Variants in DMD observed in about 807,000 individuals in gnomAD.
The protein encoded by DMD is mutant dystrophin.
Under a neutral mutation model 330.1 loss-of-function variants are expected in DMD, and 63 were observed. That is an observed-to-expected ratio of 0.19 (90% CI 0.16 to 0.24). The LOEUF (loss-of-function observed/expected upper bound fraction) is 0.24. Ranked by LOEUF, DMD falls within the 10% of genes least tolerant of loss-of-function variation. The pLI is 1.00. For synonymous variants in DMD, 1,223 were observed against 959.8 expected, an observed-to-expected ratio of 1.27 and a Z score of -5.07; for missense variants, 3,344 against 2,684.1, an observed-to-expected ratio of 1.25 and a Z score of -5.43.
intron 44 of DMD, among the ~76,000 whole-genome samples, chrX:32,121,050 G>C (rs763700118): frequency 1.8e-5 from 2 of 112,087 alleles, no homozygotes; most frequent in Admixed American, 9.5e-5. Context: ...AAGCCCGGAA[G>C]TGCAAACGTT....
chrX:31,178,093 C>G (rs1363157633), intron 70 of DMD, 123 bp from the exon 71 acceptor site: 5 of 1,093,892 alleles, frequency 4.6e-6, no homozygotes, highest in Non-Finnish European at 6.2e-6. Flanking sequence ...AAGCAATAGC[C>G]AAACCAAGGT....
chrX:32,024,486 C>CAAAA (rs71872956), intron 44 of DMD, among the ~76,000 whole-genome samples: 17 of 61,587 alleles, frequency 2.8e-4, no homozygotes, highest in African/African-American at 8.4e-4. Flanking sequence ...AACTCCCTCT[C>CAAAA]AAAAAAAAAA....
intron 44 of DMD, among the ~76,000 whole-genome samples, chrX:32,096,396 T>C (rs2096506334): frequency 9.0e-6 from 1 of 111,425 alleles, no homozygotes; most frequent in Non-Finnish European, 1.9e-5. Context: ...GATTTCCTAA[T>C]AGTTTCCAGA....
chrX:32,167,124 C>T (rs1375396398), intron 44 of DMD, among the ~76,000 whole-genome samples: 2 of 111,583 alleles, frequency 1.8e-5, no homozygotes, highest in Admixed American at 9.6e-5. Flanking sequence ...TACTCTATTC[C>T]CTGGAATCAC....
rs1407734936 is a variant in DMD, at chrX:32,518,236, T to TC, written c.2169-106dup. On this transcript the variant is annotated intron_variant, in intron 17 of 78. Coordinates refer to ENST00000357033, the MANE Select transcript of DMD (RefSeq NM_004006.3). ...TATCATTCTTTTCTCAATCTGAGAC[T>TC]CCTGCCTGACACCTCTATTAGTATT... 6 of 829,316 alleles carry TC rather than the reference T, an allele frequency of 7.2e-6. No homozygotes were observed. In the East Asian group the frequency reaches 2.1e-4, roughly 28 times the overall value. The allele number at this position is 829,316 out of a possible 1,213,427, so 68.3% of individuals were successfully genotyped here.
intron 23 of DMD, among the ~76,000 whole-genome samples, chrX:32,466,078 A>G (rs969043286): frequency 9.0e-6 from 1 of 111,280 alleles, no homozygotes; most frequent in Non-Finnish European, 1.9e-5. Flanking sequence ...GTTTTTTCTT[A>G]TTAAGTTTTT....
At chrX:31,725,286 CA>C (rs1371113207) in intron 52 of DMD, among the ~76,000 whole-genome samples, 3 of 111,409 alleles carry the variant, frequency 2.7e-5, no homozygotes, top group African/African-American at 9.8e-5. Context: ...GTATTTCCCA[CA>C]AAAGGCTTTC....
intron 7 of DMD, among the ~76,000 whole-genome samples, chrX:32,777,366 G>A (rs1262234412): frequency 9.9e-6 from 1 of 101,058 alleles, no homozygotes; most frequent in Non-Finnish European, 2.0e-5. Flanking sequence ...AAATAATAAT[G>A]GCAGTTATTA....
chrX:31,571,994 G>A (rs2147951935), intron 55 of DMD, among the ~76,000 whole-genome samples: 1 of 110,900 alleles, frequency 9.0e-6, no homozygotes, highest in South Asian at 3.9e-4. Flanking sequence ...AGAGATGCCG[G>A]GAGGAGAGAG....
intron 47 of DMD, among the ~76,000 whole-genome samples, chrX:31,893,509 A>AG (rs1224574775): frequency 9.6e-6 from 1 of 104,007 alleles, no homozygotes; most frequent in African/African-American, 3.5e-5. Flanking sequence ...TTCTGGTCTG[A>AG]GGGGGAAGGT....
chrX:32,244,179 C>A (rs1303295583), intron 43 of DMD, among the ~76,000 whole-genome samples: 1 of 96,694 alleles, frequency 1.0e-5, no homozygotes, highest in African/African-American at 3.8e-5. Flanking sequence ...TTGTTCAATT[C>A]CCACCCCACC....
At chrX:31,881,325 G>T (rs2094061323) in intron 47 of DMD, among the ~76,000 whole-genome samples, 1 of 108,844 alleles carries the variant, frequency 9.2e-6, no homozygotes, top group African/African-American at 3.4e-5. Context: ...GGCCGAGGCG[G>T]GTGGATCACA....
intron 44 of DMD, among the ~76,000 whole-genome samples, chrX:32,127,853 C>T (rs147257685): frequency 2.7e-5 from 3 of 111,848 alleles, no homozygotes; most frequent in Non-Finnish European, 5.6e-5. Flanking sequence ...CAGGAAGGGA[C>T]GAGGCATTTA....
At chrX:32,746,746 A>G (rs2070070101) in intron 7 of DMD, among the ~76,000 whole-genome samples, 1 of 111,718 alleles carries the variant, frequency 9.0e-6, no homozygotes, top group African/African-American at 3.3e-5. Context: ...AAACATGCAC[A>G]ATAAATTACT....
At chrX:32,935,351 G>C (rs190192244) in intron 2 of DMD, among the ~76,000 whole-genome samples, 76 of 112,288 alleles carry the variant, frequency 6.8e-4, no homozygotes, top group African/African-American at 2.4e-3. Context: ...AACTATGGCT[G>C]CTTTGATGCC....
At chrX:31,873,126 A>G (rs1022500677) in intron 48 of DMD, among the ~76,000 whole-genome samples, 2 of 111,281 alleles carry the variant, frequency 1.8e-5, no homozygotes, top group African/African-American at 6.5e-5. Context: ...AAAGCTAACT[A>G]AATTTGTTAC....
At chrX:32,017,177 G>C (rs1335296237) in intron 44 of DMD, among the ~76,000 whole-genome samples, 1 of 111,674 alleles carries the variant, frequency 9.0e-6, no homozygotes, top group Non-Finnish European at 1.9e-5. Flanking sequence ...ATTGGTTATT[G>C]TTTGGGCAAA....
At chrX:32,582,198 A>C (rs1225764785) in intron 13 of DMD, among the ~76,000 whole-genome samples, 2 of 111,463 alleles carry the variant, frequency 1.8e-5, no homozygotes, top group Non-Finnish European at 3.8e-5. Flanking sequence ...CATGAAAAAT[A>C]ATTGGAAAGG....
chrX:32,833,670 A>C (rs2079345419), intron 4 of DMD, among the ~76,000 whole-genome samples: 1 of 97,088 alleles, frequency 1.0e-5, no homozygotes, highest in African/African-American at 3.7e-5. Flanking sequence ...TTTAAGCTCA[A>C]GTCACGTATA....
Sources: gnomAD v4.1 joint callset for allele counts (sites outside exome capture counted in the v4.1 genomes callset) on GRCh38, gnomAD v4.1.1 for gene constraint, MANE v1.5 for transcripts, NCBI Gene and HGNC (gene_info 2026-07-23, HGNC 2026-07-21) for gene names.